AUTS2: variants seen among roughly 807,000 people sequenced by gnomAD.
AUTS2 encodes the protein activator of transcription and developmental regulator AUTS2, also known as autism susceptibility gene 2 protein.
AUTS2 carries 17 observed loss-of-function variants against 112.4 expected under a neutral mutation model. That is an observed-to-expected ratio of 0.15 (90% CI 0.10 to 0.23). The LOEUF (loss-of-function observed/expected upper bound fraction) is 0.23, where lower values mean the gene tolerates loss of function less well. Among genes scored for constraint, AUTS2 ranks in the 10% least tolerant of loss-of-function variants. The probability of loss-of-function intolerance (pLI) is 1.00; values close to 1 mark genes in which losing one functional copy is unlikely to be tolerated. For synonymous variants in AUTS2, 751 were observed against 702.7 expected, an observed-to-expected ratio of 1.07 and a Z score of -1.09; for missense variants, 1,510 against 1,701.6, an observed-to-expected ratio of 0.89 and a Z score of 1.98.
intron 5 of AUTS2, among the ~76,000 whole-genome samples, chr7:70,648,725 G>A (rs1465679162): frequency 6.6e-6 from 1 of 152,132 alleles, no homozygotes; most frequent in Admixed American, 6.5e-5. Flanking sequence ...GGGATTGCAG[G>A]CATGCACTAC....
At chr7:70,580,010 G>A (rs151220460) in intron 5 of AUTS2, among the ~76,000 whole-genome samples, 23 of 152,214 alleles carry the variant, frequency 1.5e-4, no homozygotes, top group Admixed American at 1.3e-3. Flanking sequence ...AGATGTCTTC[G>A]AGGCCAGGAC....
intron 5 of AUTS2, among the ~76,000 whole-genome samples, chr7:70,446,826 G>T (rs933917404): frequency 3.9e-5 from 6 of 152,158 alleles, no homozygotes; most frequent in Admixed American, 1.3e-4. Context: ...CTAAGCAGGG[G>T]CTACTCTCTC....
chr7:70,030,500 A>G, intron 2 of AUTS2, among the ~76,000 whole-genome samples: 1 of 152,124 alleles, frequency 6.6e-6, no homozygotes, highest in Admixed American at 6.6e-5. Context: ...TGGGCTACTC[A>G]TTTTGGTATT....
chr7:70,254,378 G>A (rs1282735602), intron 4 of AUTS2, among the ~76,000 whole-genome samples: 1 of 151,948 alleles, frequency 6.6e-6, no homozygotes, highest in East Asian at 1.9e-4. Flanking sequence ...CCCTTCTTAA[G>A]TGGAATTAGT....
At chr7:69,961,741 A>C (rs75542321) in intron 2 of AUTS2, among the ~76,000 whole-genome samples, 1 of 152,172 alleles carries the variant, frequency 6.6e-6, no homozygotes, top group African/African-American at 2.4e-5. Flanking sequence ...TTACAGAGAT[A>C]GAGCCCATGT....
chr7:70,479,379 G>A (rs923675466), intron 5 of AUTS2, among the ~76,000 whole-genome samples: 3 of 152,144 alleles, frequency 2.0e-5, no homozygotes, highest in African/African-American at 4.8e-5. Context: ...TCAGAGGCAC[G>A]CTCTGAGGCA....
intron 1 of AUTS2, among the ~76,000 whole-genome samples, chr7:69,656,600 A>T (rs1795552459): frequency 6.6e-6 from 1 of 152,282 alleles, no homozygotes; most frequent in Non-Finnish European, 1.5e-5. Flanking sequence ...AAAAAGCTGA[A>T]TGAGATGTAG....
At chr7:70,129,091 C>G (rs947200401) in intron 3 of AUTS2, among the ~76,000 whole-genome samples, 2 of 152,186 alleles carry the variant, frequency 1.3e-5, no homozygotes, top group East Asian at 3.8e-4. Flanking sequence ...ACCAGCAGAA[C>G]ATGATTTATT....
At chr7:69,962,621 T>C (rs1797476242) in intron 2 of AUTS2, among the ~76,000 whole-genome samples, 1 of 152,108 alleles carries the variant, frequency 6.6e-6, no homozygotes, top group Admixed American at 6.6e-5. Context: ...AATTCTTTCT[T>C]TGAGGGTCAG....
chr7:69,716,230 TTGTG>T (rs1404347914), intron 1 of AUTS2, among the ~76,000 whole-genome samples: 1 of 151,292 alleles, frequency 6.6e-6, no homozygotes, highest in African/African-American at 2.4e-5. Context: ...GTGTGTGTGT[TTGTG>T]TGTGTGTGTC....
intron 1 of AUTS2, among the ~76,000 whole-genome samples, chr7:69,638,714 C>G (rs553707985): frequency 6.6e-6 from 1 of 152,232 alleles, no homozygotes; most frequent in East Asian, 1.9e-4. Context: ...AGCAGTATTG[C>G]CATCTGGATG....
At chr7:70,724,360 T>C (rs1398429115) in intron 6 of AUTS2, among the ~76,000 whole-genome samples, 1 of 152,030 alleles carries the variant, frequency 6.6e-6, no homozygotes, top group African/African-American at 2.4e-5. Context: ...CTCTGTTTTA[T>C]AGTAAGCTTA....
chr7:70,403,255 T>C (rs2130226593), intron 4 of AUTS2, among the ~76,000 whole-genome samples: 1 of 152,302 alleles, frequency 6.6e-6, no homozygotes, highest in Non-Finnish European at 1.5e-5. Context: ...TTCCAAAGCA[T>C]GGGAATAGCA....
intron 4 of AUTS2, among the ~76,000 whole-genome samples, chr7:70,238,505 C>G (rs1812441509): frequency 6.6e-6 from 1 of 152,186 alleles, no homozygotes; most frequent in African/African-American, 2.4e-5. Flanking sequence ...CAAGTCCTCT[C>G]TCTAACTTTA....
intron 4 of AUTS2, among the ~76,000 whole-genome samples, chr7:70,314,817 A>G (rs1305974038): frequency 1.3e-5 from 2 of 152,210 alleles, no homozygotes; most frequent in Non-Finnish European, 2.9e-5. Flanking sequence ...ATGTTCTTCA[A>G]CCAACGCTTA....
intron 4 of AUTS2, among the ~76,000 whole-genome samples, chr7:70,220,984 G>A (rs529675988): frequency 2.0e-5 from 3 of 152,332 alleles, no homozygotes; most frequent in African/African-American, 7.2e-5. Context: ...CCAGGCTGGA[G>A]TGCAGTGGTC....
At chr7:70,099,895 T>C (rs1804395236) in intron 2 of AUTS2, among the ~76,000 whole-genome samples, 2 of 152,242 alleles carry the variant, frequency 1.3e-5, no homozygotes. Flanking sequence ...CTTCAGTTTT[T>C]ACATATATAT....
At chr7:69,923,637 T>C (rs928880624) in intron 2 of AUTS2, among the ~76,000 whole-genome samples, 2 of 152,204 alleles carry the variant, frequency 1.3e-5, no homozygotes, top group South Asian at 4.1e-4. Context: ...TCAGCAATAT[T>C]TTGTACTTTT....
chr7:69,904,928 G>A (rs372605060), intron 2 of AUTS2, among the ~76,000 whole-genome samples: 2 of 152,130 alleles, frequency 1.3e-5, no homozygotes, highest in African/African-American at 2.4e-5. Flanking sequence ...TTAACATCAG[G>A]TAATTGAAGA....
Sources: allele counts gnomAD v4.1 joint callset (sites outside exome capture counted in the v4.1 genomes callset), GRCh38; gene constraint gnomAD v4.1.1; transcripts MANE v1.5; gene names NCBI Gene and HGNC (gene_info 2026-07-23, HGNC 2026-07-21).